The following MTMR8 variants were observed in gnomAD, a reference collection of about 807,000 sequenced individuals.
MTMR8 encodes the protein phosphatidylinositol-3,5-bisphosphate 3-phosphatase MTMR8.
MTMR8 carries 65 observed loss-of-function variants against 39.3 expected under a neutral mutation model. The observed-to-expected ratio is 1.65, with a 90% CI of 1.35 to 2.03. The LOEUF (loss-of-function observed/expected upper bound fraction) is 2.03. Ranked by LOEUF, MTMR8 falls within the 30% of genes most tolerant of loss-of-function variation. MTMR8 has a pLI of 0.00. For synonymous variants in MTMR8, 245 were observed against 185.2 expected, an observed-to-expected ratio of 1.32 and a Z score of -2.62; for missense variants, 777 against 538.9, an observed-to-expected ratio of 1.44 and a Z score of -4.37.
At chrX:64,271,441 G>C (rs139096244) in intron 12 of MTMR8, among the ~76,000 whole-genome samples, 2 of 112,240 alleles carry the variant, frequency 1.8e-5, no homozygotes, top group Admixed American at 9.4e-5. Flanking sequence ...TCCCCCAATG[G>C]ATACACTGAT....
In MTMR8 at chrX:64,345,026, C is replaced by T. The variant is rs763206317; in HGVS notation, c.865+19G>A. ...GCAAAGCTATGGCCGCTTGCCTAGC[C>T]AAGGTGAAATCCCTGTACCTTCCAA... On this transcript the variant is annotated intron_variant, in intron 7 of 13. Transcript: ENST00000374852. 9 of 1,202,386 alleles carry T rather than the reference C, an allele frequency of 7.5e-6. No individual in the cohort carries two copies. The African/African-American group carries it at 1.1e-4, about 14-fold the overall frequency.
intron 1 of MTMR8, among the ~76,000 whole-genome samples, chrX:64,386,876 T>C (rs1292962706): frequency 9.4e-6 from 1 of 106,542 alleles, no homozygotes; most frequent in African/African-American, 3.5e-5. Flanking sequence ...AGACCTCATA[T>C]CTACAAAAAA....
intron 12 of MTMR8, among the ~76,000 whole-genome samples, chrX:64,277,837 C>T (rs1414835228): frequency 2.7e-5 from 3 of 111,005 alleles, no homozygotes; most frequent in African/African-American, 9.8e-5. Flanking sequence ...AACTTGGTTC[C>T]ATTCTCCTCA....
Position 64,356,355 on chromosome X carries a change from A to G in MTMR8, c.148-17T>C. Reference sequence around the variant, plus strand: ...GAGTGCAATCTGAAAAACATAAAAGAACCAGCGTAAACATACAGATGTGCA... The same window carrying G: ...GAGTGCAATCTGAAAAACATAAAAGGACCAGCGTAAACATACAGATGTGCA... On this transcript the variant is annotated splice_polypyrimidine_tract_variant and intron_variant, in intron 2 of 13. Coordinates refer to ENST00000374852, the MANE Select transcript of MTMR8 (RefSeq NM_017677.4). The G allele has an allele frequency of 8.4e-7, 1 of 1,186,037 alleles. No individual in the cohort carries two copies. The highest frequency in any genetic ancestry group is 1.9e-5 in the South Asian group (1 of 53,402).
chrX:64,392,054 G>T (rs1924703423), intron 1 of MTMR8, among the ~76,000 whole-genome samples: 1 of 111,846 alleles, frequency 8.9e-6, no homozygotes, highest in Non-Finnish European at 1.9e-5. Context: ...TTCTGATTCA[G>T]ATAGGAGAGT....
At chrX:64,357,455 C>T (rs914119504) in intron 2 of MTMR8, among the ~76,000 whole-genome samples, 6 of 111,281 alleles carry the variant, frequency 5.4e-5, no homozygotes, top group Admixed American at 3.8e-4. Context: ...GGCAGGGTCT[C>T]GCTCTGTTGC....
At chrX:64,281,218 C>T (rs932096226) in intron 12 of MTMR8, among the ~76,000 whole-genome samples, 8 of 111,267 alleles carry the variant, frequency 7.2e-5, no homozygotes, top group African/African-American at 2.3e-4. Flanking sequence ...AATATGAAAT[C>T]AAAAAACAGC....
intron 11 of MTMR8, among the ~76,000 whole-genome samples, chrX:64,329,179 T>A: frequency 8.9e-6 from 1 of 111,943 alleles, no homozygotes; most frequent in East Asian, 2.8e-4. Context: ...GTGGAATAGC[T>A]GTGTGATCTT....
intron 12 of MTMR8, among the ~76,000 whole-genome samples, chrX:64,282,455 T>C (rs767502061): frequency 8.1e-5 from 9 of 110,519 alleles, no homozygotes; most frequent in Admixed American, 1.9e-4. Context: ...CGTTTACCTA[T>C]GTAACAAACC....
chrX:64,335,873 C>T (rs1335099526), intron 10 of MTMR8, among the ~76,000 whole-genome samples: 1 of 112,225 alleles, frequency 8.9e-6, no homozygotes, highest in East Asian at 2.8e-4. Context: ...TACTTGTACT[C>T]CTTGAAAACA....
At chrX:64,354,189 G>A (rs1047927463) in intron 4 of MTMR8, among the ~76,000 whole-genome samples, 1 of 108,089 alleles carries the variant, frequency 9.3e-6, no homozygotes, top group African/African-American at 3.4e-5. Flanking sequence ...GAGTGGGGGG[G>A]ATAAAAAGAG....
intron 12 of MTMR8, among the ~76,000 whole-genome samples, chrX:64,315,310 C>T (rs1343946078): frequency 8.9e-6 from 1 of 111,823 alleles, no homozygotes; most frequent in Non-Finnish European, 1.9e-5. Flanking sequence ...AAGTCCCAGG[C>T]ATGGTGGCCC....
chrX:64,331,698 T>G lies in MTMR8; in HGVS notation c.1211A>C (p.Asp404Ala). The G allele has an allele frequency of 8.3e-7, 1 of 1,210,422 alleles. No individual in the cohort carries two copies. Among genetic ancestry groups the G allele is most frequent in the Non-Finnish European group, 1.1e-6 (1 of 894,666 alleles). Residue 404 changes from aspartate to alanine, a missense_variant, in exon 11 of 14, where the codon GAC becomes GCC. Transcript: ENST00000374852. Reference protein sequence around the residue: ...EVSPIFTQFLDCIWQLMEQFP... With the variant: ...EVSPIFTQFLACIWQLMEQFP... ...CTGTTCCATTAATTGCCAGATACAG[T>G]CTAGGAACTGGGTGAAGATAGGGGA...
intron 12 of MTMR8, among the ~76,000 whole-genome samples, chrX:64,290,593 C>T (rs1921361674): frequency 9.0e-6 from 1 of 110,573 alleles, no homozygotes; most frequent in Non-Finnish European, 1.9e-5. Flanking sequence ...CCTTTAGTAG[C>T]CACACCCACC....
At chrX:64,370,272 C>T (rs1924092736) in intron 1 of MTMR8, among the ~76,000 whole-genome samples, 2 of 110,650 alleles carry the variant, frequency 1.8e-5, no homozygotes. Flanking sequence ...ATGTTGGCCT[C>T]TTTAACTCAT....
At chrX:64,355,873 C>T (rs1180365700) in intron 3 of MTMR8, among the ~76,000 whole-genome samples, 1 of 111,235 alleles carries the variant, frequency 9.0e-6, no homozygotes, top group Admixed American at 9.6e-5. Context: ...AAAACATTCA[C>T]AAGTTGATAC....
At chrX:64,383,530 G>T (rs1387951145) in intron 1 of MTMR8, among the ~76,000 whole-genome samples, 1 of 109,277 alleles carries the variant, frequency 9.2e-6, no homozygotes, top group African/African-American at 3.3e-5. Context: ...CATGATGTTG[G>T]CATGTACTCA....
intron 12 of MTMR8, among the ~76,000 whole-genome samples, chrX:64,298,310 T>C: frequency 9.9e-6 from 1 of 100,980 alleles, no homozygotes; most frequent in South Asian, 4.8e-4. Context: ...CCCTTGTAAG[T>C]TGGATTCCTA....
At chrX:64,284,367 C>G (rs1228739460) in intron 12 of MTMR8, among the ~76,000 whole-genome samples, 1 of 111,984 alleles carries the variant, frequency 8.9e-6, no homozygotes, top group African/African-American at 3.2e-5. Flanking sequence ...CTGACAGTGA[C>G]AGGGAGAATG....
Sources: gnomAD v4.1 joint callset for allele counts (sites outside exome capture counted in the v4.1 genomes callset) on GRCh38, gnomAD v4.1.1 for gene constraint, MANE v1.5 for transcripts, NCBI Gene and HGNC (gene_info 2026-07-23, HGNC 2026-07-21) for gene names.